ZC3H12C: variants seen among roughly 807,000 people sequenced by gnomAD.
ZC3H12C encodes the protein probable ribonuclease ZC3H12C.
Under a neutral mutation model 76.3 loss-of-function variants are expected in ZC3H12C, and 20 were observed. The ratio of observed to expected loss-of-function variants is 0.26; its 90% CI spans 0.18 to 0.38. The LOEUF (loss-of-function observed/expected upper bound fraction) is 0.38. Among genes scored for constraint, ZC3H12C ranks in the 10% least tolerant of loss-of-function variants. The probability of loss-of-function intolerance (pLI) is 1.00; values close to 1 mark genes in which losing one functional copy is unlikely to be tolerated. For synonymous variants in ZC3H12C, 352 were observed against 399.6 expected (o/e 0.88, Z 1.42); for missense variants, 874 against 1,086.5 (o/e 0.80, Z 2.75).
chr11:110,146,192 G>A (rs1337362750), intron 2 of ZC3H12C, among the ~76,000 whole-genome samples: 1 of 152,142 alleles, frequency 6.6e-6, no homozygotes, highest in Non-Finnish European at 1.5e-5. Context: ...GCTTCACCGT[G>A]TTAGCCAGGG....
At chr11:110,142,289 A>G (rs952430328) in intron 2 of ZC3H12C, among the ~76,000 whole-genome samples, 5 of 152,108 alleles carry the variant, frequency 3.3e-5, no homozygotes, top group South Asian at 2.1e-4. Context: ...AAACTTTCCT[A>G]TTATCTCAAG....
rs1862633834 is a variant in ZC3H12C, at chr11:110,169,336, CTGGGTGTGTG to C, written c.*3602_*3611del. ...GTTTGTGACAGGTGGGAGGATGGCT[CTGGGTGTGTG>C]TGTGTGTGTGTGTGTGTGTGTGTGT... On this transcript the variant is annotated 3_prime_UTR_variant, in exon 6 of 6. Transcript: ENST00000278590. 1.0e-5 allele frequency: 1 copy of C among 99,600 alleles called. No individual in the cohort carries two copies. Among genetic ancestry groups the C allele is most frequent in the Non-Finnish European group, 2.0e-5 (1 of 50,124 alleles). 6.2% of individuals were successfully genotyped at this position (99,600 alleles called of 1,614,324 possible).
intron 2 of ZC3H12C, 124 bp from the exon 3 acceptor site, chr11:110,152,795 C>T (rs989884923): frequency 9.1e-7 from 1 of 1,102,154 alleles, no homozygotes; most frequent in Non-Finnish European, 1.3e-6. Flanking sequence ...CTATAAACTC[C>T]ATTTTAACTC....
rs1862657818 is a variant in ZC3H12C, at chr11:110,170,500, T to A, written c.*4763T>A. 1 of 152,224 alleles carries A rather than the reference T, an allele frequency of 6.6e-6. No individual in the cohort carries two copies. Among genetic ancestry groups the A allele is most frequent in the Non-Finnish European group, 1.5e-5 (1 of 68,022 alleles). 9.4% of individuals were successfully genotyped at this position (152,224 alleles called of 1,614,324 possible). A position where few individuals can be genotyped will look rare whatever the true frequency, so the allele number is the denominator to read the frequency against. On this transcript the variant is annotated 3_prime_UTR_variant, in exon 6 of 6. Coordinates refer to ENST00000278590, the MANE Select transcript of ZC3H12C (RefSeq NM_033390.2). ...ATGCTATAGCTTTATTCTGTAAGAT[T>A]AAAAATTGTGACTAGTATAATTGTA...
chr11:110,160,354 C>A (rs1253091156), intron 4 of ZC3H12C, among the ~76,000 whole-genome samples: 1 of 152,020 alleles, frequency 6.6e-6, no homozygotes, highest in Admixed American at 6.6e-5. Context: ...AATATATTAA[C>A]CTTGGCTTAT....
Position 110,136,645 on chromosome 11 carries a change from T to C in ZC3H12C, c.22-18T>C, listed in dbSNP as rs1391361587. 11 of 1,597,472 alleles carry C rather than the reference T, an allele frequency of 6.9e-6. No homozygotes were observed. The highest frequency in any genetic ancestry group is 9.4e-6 in the Non-Finnish European group (11 of 1,173,516). On this transcript the variant is annotated intron_variant, in intron 1 of 5. Transcript: ENST00000278590. ...AGCCATAACTATGAAATTCTAAATA[T>C]TTTACATTTTTCTCTAGGAATACGG... is the stretch of plus-strand genomic sequence containing the variant.
intron 1 of ZC3H12C, among the ~76,000 whole-genome samples, chr11:110,094,151 C>T (rs977296244): frequency 5.9e-5 from 9 of 152,244 alleles, no homozygotes; most frequent in African/African-American, 2.2e-4. Context: ...ACAGCCCTAA[C>T]ATCCAAGTAC....
At chr11:110,150,061 T>C (rs1174303689) in intron 2 of ZC3H12C, among the ~76,000 whole-genome samples, 1 of 152,158 alleles carries the variant, frequency 6.6e-6, no homozygotes, top group Admixed American at 6.5e-5. Context: ...TGCAGTTTTA[T>C]TTTTTCCACA....
At chr11:110,123,413 A>G (rs1861684471) in intron 1 of ZC3H12C, among the ~76,000 whole-genome samples, 1 of 152,252 alleles carries the variant, frequency 6.6e-6, no homozygotes, top group African/African-American at 2.4e-5. Context: ...GTCCTGGGAT[A>G]TGAGTTATAT....
At chr11:110,160,170 G>C (rs1862454200) in intron 4 of ZC3H12C, among the ~76,000 whole-genome samples, 1 of 152,128 alleles carries the variant, frequency 6.6e-6, no homozygotes, top group African/African-American at 2.4e-5. Flanking sequence ...GTCTCTGTAG[G>C]GCACTTACCA....
intron 3 of ZC3H12C, among the ~76,000 whole-genome samples, chr11:110,158,021 A>T (rs1197247935): frequency 6.6e-6 from 1 of 152,180 alleles, no homozygotes; most frequent in East Asian, 1.9e-4. Flanking sequence ...TTTTTTAAAA[A>T]AAATCATGAC....
At chr11:110,111,840 G>A (rs1256553579) in intron 1 of ZC3H12C, among the ~76,000 whole-genome samples, 2 of 151,558 alleles carry the variant, frequency 1.3e-5, no homozygotes, top group African/African-American at 4.9e-5. Flanking sequence ...ACTGTACCTG[G>A]CCCCCAGTAG....
chr11:110,094,416 T>G (rs1861076041), intron 1 of ZC3H12C, among the ~76,000 whole-genome samples: 1 of 152,222 alleles, frequency 6.6e-6, no homozygotes, highest in African/African-American at 2.4e-5. Context: ...GCAACGTTGT[T>G]CAGTTTTTCA....
At position 110,136,780 on chromosome 11, in the gene ZC3H12C, G is replaced by T. The variant is rs1861969195; in HGVS notation, c.139G>T (p.Val47Leu). Residue 47 changes from valine (V) to leucine (L), a missense_variant, in exon 2 of 6, where the codon GTG becomes TTG. This residue lies in a region of ZC3H12C where 210 missense variants were observed against 227.1 expected (regional missense o/e 0.92). Coordinates refer to ENST00000278590, the MANE Select transcript of ZC3H12C (RefSeq NM_033390.2). ...AGGGCATGACCTCGGCCACCTTTAT[G>T]TGGAGAGCACTGACCCACAGTTAAG... ...HLGHDLGHLY[V>L]ESTDPQLSPA... 2 of 1,613,966 alleles carry T rather than the reference G, an allele frequency of 1.2e-6. No individual in the cohort carries two copies. The highest frequency in any genetic ancestry group is 1.7e-6 in the Non-Finnish European group (2 of 1,179,870).
chr11:110,170,926 T>G lies in ZC3H12C; in HGVS notation c.*5189T>G, dbSNP rs1255676524. The G allele has an allele frequency of 6.6e-6, 1 of 152,252 alleles. No individual in the cohort carries two copies. Among genetic ancestry groups the G allele is most frequent in the Non-Finnish European group, 1.5e-5 (1 of 68,040 alleles). The allele number at this position is 152,252 out of a possible 1,614,324, so 9.4% of individuals were successfully genotyped here. A position where few individuals can be genotyped will look rare whatever the true frequency, so the allele number is the denominator to read the frequency against. ...TATTACTCCTGTTGCAGTGTTACTG[T>G]TATGTATTAGAAGTGGCTTTTCCCC... On this transcript the variant is annotated 3_prime_UTR_variant, in exon 6 of 6. Transcript: ENST00000278590.
Position 110,150,374 on chromosome 11 carries a change from C to G in ZC3H12C, c.774-2545C>G, listed in dbSNP as rs148224124. 2.5e-4 allele frequency among the ~76,000 whole-genome samples: 38 copies of G among 152,020 alleles called. 2 individuals carry two copies. In the East Asian group the frequency reaches 7.3e-3, roughly 29 times the overall value. On this transcript the variant is annotated intron_variant, in intron 2 of 5. Coordinates refer to ENST00000278590, the MANE Select transcript of ZC3H12C (RefSeq NM_033390.2). ...TTTCAATTTCATTTTATCTATAAAG[C>G]TCTTGCATGCCTTTTTTTAAAGATC...
At chr11:110,159,881 A>G (rs1011277000) in intron 4 of ZC3H12C, among the ~76,000 whole-genome samples, 3 of 152,270 alleles carry the variant, frequency 2.0e-5, no homozygotes, top group African/African-American at 7.2e-5. Context: ...CAACAGGGAT[A>G]CGTTCTGAGA....
At chr11:110,110,112 A>G (rs1861400803) in intron 1 of ZC3H12C, among the ~76,000 whole-genome samples, 1 of 152,198 alleles carries the variant, frequency 6.6e-6, no homozygotes, top group South Asian at 2.1e-4. Flanking sequence ...TTAAACACCT[A>G]AACCCTGGAG....
At position 110,137,149 on chromosome 11, in the gene ZC3H12C, CTTAAG is replaced by C; in HGVS notation, c.512_516del (p.Lys171ArgfsTer4). 6.2e-7 allele frequency: 1 copy of C among 1,613,894 alleles called. No homozygotes were observed. The highest frequency in any genetic ancestry group is 8.5e-7 in the Non-Finnish European group (1 of 1,179,864). ...ATACCAAACAAAACTGGAGTTTGCA[CTTAAG>C]TTAGGTTATTCTGAAGAACAGGTTC... On this transcript the variant is annotated frameshift_variant, in exon 2 of 6. Transcript: ENST00000278590. LOFTEE classifies it high-confidence loss of function.
Sources: gnomAD v4.1 joint callset for allele counts (sites outside exome capture counted in the v4.1 genomes callset) on GRCh38, gnomAD v4.1.1 for gene constraint, gnomAD v4.1.1 regional missense constraint, MANE v1.5 for transcripts, NCBI Gene and HGNC (gene_info 2026-07-23, HGNC 2026-07-21) for gene names.